The following GATAD2B variants were observed in gnomAD, a reference collection of about 807,000 sequenced individuals.
The protein encoded by GATAD2B is transcriptional repressor p66-beta.
GATAD2B carries 8 observed loss-of-function variants against 64.3 expected under a neutral mutation model. The ratio of observed to expected loss-of-function variants is 0.12; its 90% confidence interval spans 0.07 to 0.22. The LOEUF is 0.22. Among genes scored for constraint, GATAD2B ranks in the 10% least tolerant of loss-of-function variants. The pLI is 1.00. For synonymous variants in GATAD2B, 281 were observed against 271.3 expected (o/e 1.04, Z -0.35); for missense variants, 453 against 752.0 (o/e 0.60, Z 4.65).
rs541798900 is a variant in GATAD2B, at chr1:153,853,134, C to T, written c.-1-24786G>A. On this transcript the variant is annotated intron_variant, in intron 1 of 10. Transcript: ENST00000368655. Reference sequence around the variant, plus strand: ...TGATGGCTGATTCAGAATAGGCAGTCTCTCCTCAATCCTGTCTAGCCCCTT... The same window carrying T: ...TGATGGCTGATTCAGAATAGGCAGTTTCTCCTCAATCCTGTCTAGCCCCTT... 8.5e-5 allele frequency: 123 copies of T among 1,439,312 alleles called. No individual in the cohort carries two copies. The South Asian group carries it at 1.4e-3, about 16-fold the overall frequency. The allele number at this position is 1,439,312 out of a possible 1,614,324, so 89.2% of individuals were successfully genotyped here. A position where few individuals can be genotyped will look rare whatever the true frequency, so the allele number is the denominator to read the frequency against.
chr1:153,901,184 A>G (rs889203034), intron 1 of GATAD2B, among the ~76,000 whole-genome samples: 31 of 151,712 alleles, frequency 2.0e-4, no homozygotes, highest in Non-Finnish European at 4.4e-5. Context: ...ACTGAACTCC[A>G]GCCTGGGCAA....
intron 1 of GATAD2B, among the ~76,000 whole-genome samples, chr1:153,909,504 T>C (rs1172502099): frequency 6.6e-5 from 10 of 151,552 alleles, no homozygotes; most frequent in African/African-American, 2.4e-4. Context: ...CCGGCCACAT[T>C]AAAAATAATT....
chr1:153,820,781 C>T (rs1325752895), intron 2 of GATAD2B, among the ~76,000 whole-genome samples: 1 of 151,938 alleles, frequency 6.6e-6, no homozygotes, highest in African/African-American at 2.4e-5. Context: ...AGGCATGTGC[C>T]GCTACGCCCG....
chr1:153,892,345 T>C (rs1677441395), intron 1 of GATAD2B, among the ~76,000 whole-genome samples: 1 of 151,912 alleles, frequency 6.6e-6, no homozygotes. Flanking sequence ...AGATCAGATA[T>C]CTAGGAAAAA....
At chr1:153,887,566 C>A (rs1344702297) in intron 1 of GATAD2B, among the ~76,000 whole-genome samples, 4 of 152,096 alleles carry the variant, frequency 2.6e-5, no homozygotes, top group African/African-American at 9.7e-5. Context: ...CCTGAGACAG[C>A]ATTTAAATTA....
intron 1 of GATAD2B, among the ~76,000 whole-genome samples, chr1:153,856,326 T>C (rs1021905761): frequency 6.6e-6 from 1 of 152,192 alleles, no homozygotes; most frequent in Non-Finnish European, 1.5e-5. Context: ...GGCATTATTT[T>C]GCCTACCACA....
chr1:153,843,545 G>A (rs867636357), intron 1 of GATAD2B, among the ~76,000 whole-genome samples: 26 of 152,214 alleles, frequency 1.7e-4, no homozygotes, highest in African/African-American at 5.8e-4. Context: ...AAAGCACCAG[G>A]ATTACAGGTA....
chr1:153,822,018 TA>T (rs2101885567), intron 2 of GATAD2B, among the ~76,000 whole-genome samples: 1 of 151,782 alleles, frequency 6.6e-6, no homozygotes, highest in South Asian at 2.1e-4. Context: ...CTGTCTCTAC[TA>T]AAAATACAAA....
chr1:153,840,532 T>C (rs988300845), intron 1 of GATAD2B, among the ~76,000 whole-genome samples: 2 of 151,448 alleles, frequency 1.3e-5, no homozygotes, highest in African/African-American at 4.9e-5. Flanking sequence ...AGACAGGGTT[T>C]CTCTGTGTTG....
At chr1:153,827,101 C>T (rs746635276) in intron 2 of GATAD2B, among the ~76,000 whole-genome samples, 12 of 148,626 alleles carry the variant, frequency 8.1e-5, no homozygotes, top group Admixed American at 2.0e-4. Flanking sequence ...AAAAATTAGA[C>T]AGGCATGGTG....
chr1:153,853,095 G>A (rs1675963174), intron 1 of GATAD2B: 4 of 1,487,214 alleles, frequency 2.7e-6, no homozygotes, highest in Non-Finnish European at 3.8e-6. Context: ...TTTGGCATTG[G>A]CAACAACCTG....
At chr1:153,832,663 T>G (rs773075628) in intron 1 of GATAD2B, among the ~76,000 whole-genome samples, 21 of 152,236 alleles carry the variant, frequency 1.4e-4, no homozygotes, top group Non-Finnish European at 2.6e-4. Flanking sequence ...CTAATTTTTA[T>G]TTTAGATTTA....
chr1:153,816,574 A>G lies in GATAD2B; in HGVS notation c.915T>C (p.Ser305=). 6.2e-7 allele frequency: 1 copy of G among 1,609,978 alleles called. No homozygotes were observed. The change falls in exon 7 of 11, where the codon TCT becomes TCC. Residue 305 remains serine, a synonymous_variant. Coordinates refer to ENST00000368655, the MANE Select transcript of GATAD2B (RefSeq NM_020699.4). This position sits in a 1 kb window ranked among gnomAD's most constrained non-coding sequence, Gnocchi z 4.9. ...AGGATGTTGTACGCTGACATGGAAC[A>G]GAAGAACTTGACTGCTGAAATAGAT... ...AINYQPQSSS[S]VPCQRTTSSA...
intron 1 of GATAD2B, among the ~76,000 whole-genome samples, chr1:153,916,239 C>G (rs1373304091): frequency 6.7e-6 from 1 of 150,144 alleles, no homozygotes; most frequent in Non-Finnish European, 1.5e-5. Flanking sequence ...TAAGATTGCA[C>G]CACTGCACTC....
chr1:153,829,528 G>A (rs1318950207), intron 1 of GATAD2B, among the ~76,000 whole-genome samples: 5 of 152,038 alleles, frequency 3.3e-5, no homozygotes, highest in Non-Finnish European at 5.9e-5. Flanking sequence ...ACGAGGTCAG[G>A]AGTTCAAGAC....
intron 1 of GATAD2B, among the ~76,000 whole-genome samples, chr1:153,871,890 C>T (rs1410135253): frequency 6.6e-6 from 1 of 152,150 alleles, no homozygotes; most frequent in Non-Finnish European, 1.5e-5. Context: ...GTCAAGGCTG[C>T]AGTGAGCTGA....
chr1:153,866,529 T>C (rs1676481350), intron 1 of GATAD2B, among the ~76,000 whole-genome samples: 1 of 152,176 alleles, frequency 6.6e-6, no homozygotes, highest in South Asian at 2.1e-4. Flanking sequence ...CCTGCCCTAA[T>C]GCAAACCAGA....
chr1:153,915,930 T>C (rs776452309), intron 1 of GATAD2B, among the ~76,000 whole-genome samples: 4 of 152,100 alleles, frequency 2.6e-5, no homozygotes, highest in Non-Finnish European at 4.4e-5. Context: ...ATGAGGAAAG[T>C]AGAATAATCA....
At chr1:153,846,480 C>T (rs576543341) in intron 1 of GATAD2B, among the ~76,000 whole-genome samples, 2 of 151,978 alleles carry the variant, frequency 1.3e-5, no homozygotes, top group East Asian at 1.9e-4. Context: ...TCAAGTGATC[C>T]TCCCATCTCA....
Sources: allele counts gnomAD v4.1 joint callset (sites outside exome capture counted in the v4.1 genomes callset), GRCh38; gene constraint gnomAD v4.1.1; non-coding constraint Gnocchi (gnomAD v3.1); transcripts MANE v1.5; gene names NCBI Gene and HGNC (gene_info 2026-07-23, HGNC 2026-07-21).